Variants in ZNF318 observed in about 807,000 individuals in gnomAD.
The protein encoded by ZNF318 is zinc finger protein 318.
A neutral mutation model predicts 124.2 loss-of-function variants in ZNF318; 51 were observed. The observed-to-expected ratio is 0.41, with a 90% confidence interval of 0.33 to 0.52. The LOEUF is 0.52. ZNF318 is among the 20% of genes least tolerant of loss of function. The pLI is 0.23. For missense variants in ZNF318, 2,815 were observed against 2,811.2 expected (o/e 1.00, Z -0.03); for synonymous variants, 1,090 against 1,040.7 (o/e 1.05, Z -0.91).
chr6:43,340,347 T>G lies in ZNF318; in HGVS notation c.3651A>C (p.Ala1217=), dbSNP rs755273152. ...CCTCCTTTACTTCTTTCACAGCCTT[T>G]GCCTTTTTTTCTTTCTTCTCCTCCT... is the stretch of plus-strand genomic sequence containing the variant. The part of the protein sequence containing the change: ...KPKEEKKEKK[A]KAVKEVKEDD... Residue 1217 remains alanine (A), a synonymous_variant, in exon 10 of 10, where the codon GCA becomes GCC. Coordinates refer to ENST00000361428, the MANE Select transcript of ZNF318 (RefSeq NM_014345.3). The G allele has an allele frequency of 4.3e-6, 7 of 1,614,076 alleles. No individual in the cohort carries two copies. In the African/African-American group the frequency reaches 9.3e-5, roughly 22 times the overall value.
Position 43,357,708 on chromosome 6 carries a change from A to G in ZNF318, c.606T>C (p.Leu202=), listed in dbSNP as rs1338442074. ...FTRSSQCSRG[L]ERYISQEEGP... is the part of the protein sequence containing the mutation. The stretch of plus-strand genomic sequence containing the variant: ...CTTCCTCCTGGGAAATATATCGCTC[A>G]AGACCCCGAGAGCACTGGGAGCTTC... Residue 202 remains leucine, a synonymous_variant, in exon 3 of 10, where the codon CTT becomes CTC. Transcript: ENST00000361428. The G allele has an allele frequency of 6.2e-7, 1 of 1,609,150 alleles. No individual in the cohort carries two copies. Among genetic ancestry groups the G allele is most frequent in the South Asian group, 1.1e-5 (1 of 91,060 alleles).
At chr6:43,349,384 A>G (rs201090218) in intron 5 of ZNF318, among the ~76,000 whole-genome samples, 2 of 137,638 alleles carry the variant, frequency 1.5e-5, no homozygotes, top group Non-Finnish European at 3.2e-5. Context: ...CCTCTGGTTT[A>G]TCTTTTTTTT....
intron 4 of ZNF318, among the ~76,000 whole-genome samples, chr6:43,353,376 CTTT>C (rs11435695): frequency 4.2e-5 from 6 of 142,058 alleles, no homozygotes; most frequent in Non-Finnish European, 9.1e-5. Context: ...TTCTTCAGAA[CTTT>C]TTTTTTTTTT....
chr6:43,357,491 G>T lies in ZNF318; in HGVS notation c.823C>A (p.Arg275Ser). The T allele has an allele frequency of 6.2e-7, 1 of 1,614,086 alleles. No homozygotes were observed. Among genetic ancestry groups the T allele is most frequent in the Non-Finnish European group, 8.5e-7 (1 of 1,180,022 alleles). Residue 275 changes from arginine (R) to serine (S), a missense_variant, in exon 3 of 10, where the codon CGT (arginine) becomes AGT (serine). This residue lies in a region of ZNF318 where 1,377 missense variants were observed against 1,353.5 expected (regional missense o/e 1.02). Transcript: ENST00000361428. ...EERSREAKRP[R>S]YDDTVKINSM... ...TTTATCTTCACTGTGTCATCATAAC[G>T]GGGTCTTTTGGCCTCCCGGCTCCTT... is the stretch of plus-strand genomic sequence containing the variant.
Position 43,338,524 on chromosome 6 carries a change from T to C in ZNF318, c.5474A>G (p.Gln1825Arg), listed in dbSNP as rs1779322450. 1 of 1,614,232 alleles carries C rather than the reference T, an allele frequency of 6.2e-7. No homozygotes were observed. The highest frequency in any genetic ancestry group is 1.3e-5 in the African/African-American group (1 of 75,066). Reference protein sequence around the residue: ...NRYMWEGEVKQPNLLMIDKEA... With the variant: ...NRYMWEGEVKRPNLLMIDKEA... ...TTTGTCAATCATTAGCAAGTTGGGCTGTTTTACTTCTCCCTCCCACATGTA... is the reference window on the plus strand; with the variant it reads ...TTTGTCAATCATTAGCAAGTTGGGCCGTTTTACTTCTCCCTCCCACATGTA... The change falls in exon 10 of 10, where the codon CAG (glutamine) becomes CGG (arginine). Residue 1825 changes from glutamine (Q) to arginine (R), a missense_variant. By Grantham distance (43) the Gln-to-Arg change is conservative (BLOSUM62 1). Coordinates refer to ENST00000361428, the MANE Select transcript of ZNF318 (RefSeq NM_014345.3).
rs780221767 is a variant in ZNF318 at position 43,348,421 on chromosome 6, A to G, written c.2975T>C (p.Leu992Ser). 1.2e-5 allele frequency: 19 copies of G among 1,614,166 alleles called. No individual in the cohort carries two copies. The highest frequency in any genetic ancestry group is 1.6e-5 in the Non-Finnish European group (19 of 1,180,028). Residue 992 changes from leucine (L) to serine (S), a missense_variant, in exon 6 of 10, where the codon TTA becomes TCA. This residue lies in a region of ZNF318 where 1,377 missense variants were observed against 1,353.5 expected (regional missense o/e 1.02). Coordinates refer to ENST00000361428, the MANE Select transcript of ZNF318 (RefSeq NM_014345.3). Reference protein sequence around the residue: ...INIFDKSQKSLSDSREPTEKP... With the variant: ...INIFDKSQKSSSDSREPTEKP... ...CTCTGTAGGCTCTCTACTGTCACTT[A>G]AAGACTTCTGGGATTTATCGAAGAT...
Position 43,352,469 on chromosome 6 carries a change from T to C in ZNF318, c.2678A>G (p.Glu893Gly). Reference sequence around the variant, plus strand: ...GTCATTCTTTAGTTTTTCCCTCTCTTCAATAACCTGCAAAATACAAAGTGG... The same window carrying C: ...GTCATTCTTTAGTTTTTCCCTCTCTCCAATAACCTGCAAAATACAAAGTGG... ...NRASQKQKVI[E>G]EREKLKNDRE... Residue 893 changes from glutamate (E) to glycine (G), a missense_variant, in exon 5 of 10, where the codon GAA becomes GGA. Glu to Gly is a moderately conservative substitution (Grantham distance 98). Around this residue, in one of 4 missense-constraint regions of ZNF318, gnomAD observed 1,377 missense variants for 1,353.5 expected, o/e 1.02. Transcript: ENST00000361428. 1 of 1,613,942 alleles carries C rather than the reference T, an allele frequency of 6.2e-7. No individual in the cohort carries two copies. The highest frequency in any genetic ancestry group is 8.5e-7 in the Non-Finnish European group (1 of 1,179,876).
rs147691068 is a variant in ZNF318 at position 43,355,808 on chromosome 6, C to T, written c.1526G>A (p.Arg509His). The T allele has an allele frequency of 2.7e-5, 43 of 1,614,122 alleles. No individual in the cohort carries two copies. Among genetic ancestry groups the T allele is most frequent in the East Asian group, 2.2e-5 (1 of 44,904 alleles). The change falls in exon 4 of 10, where the codon CGC (arginine) becomes CAC (histidine). Residue 509 changes from arginine (R) to histidine (H), a missense_variant. Physicochemically the swap from Arg to His is conservative, Grantham distance 29 (BLOSUM62 0). Coordinates refer to ENST00000361428, the MANE Select transcript of ZNF318 (RefSeq NM_014345.3). Reference protein sequence around the residue: ...RASQDGSGFSRILSMLADSTS... With the variant: ...RASQDGSGFSHILSMLADSTS... ...AGAATCAGCCAACATGCTCAGAATG[C>T]GGGAAAAACCACTGCCATCCTGGCT...
rs745637563 is a variant in ZNF318, at chr6:43,352,376, C to T, written c.2770+1G>A. 4 of 1,612,800 alleles carry T rather than the reference C, an allele frequency of 2.5e-6. No homozygotes were observed. The highest frequency in any genetic ancestry group is 3.4e-6 in the Non-Finnish European group (4 of 1,179,484). ...AGGCAGTCATGCAAAGCAGCTGATACCTTGTTGTTTATGAAGCCGCTCTAA... is the reference window on the plus strand; with the variant it reads ...AGGCAGTCATGCAAAGCAGCTGATATCTTGTTGTTTATGAAGCCGCTCTAA... On this transcript the variant is annotated splice_donor_variant, in intron 5 of 9. Transcript: ENST00000361428. LOFTEE classifies it high-confidence loss of function.
rs1164433147 is a variant in ZNF318 at position 43,365,413 on chromosome 6, A to G, written c.427T>C (p.Ser143Pro). The G allele has an allele frequency of 1.2e-6, 2 of 1,613,974 alleles. No individual in the cohort carries two copies. Among genetic ancestry groups the G allele is most frequent in the Non-Finnish European group, 1.7e-6 (2 of 1,179,998 alleles). The change falls in exon 2 of 10, where the codon TCT (serine) becomes CCT (proline). Residue 143 changes from serine (S) to proline (P), a missense_variant. Coordinates refer to ENST00000361428, the MANE Select transcript of ZNF318 (RefSeq NM_014345.3). ...GTGATCCTTAAGCTCTTTTCCAAAG[A>G]GTCAGAACACAGACCAGGAGAGCGT... is the stretch of plus-strand genomic sequence containing the variant. ...RRRSPGLCSD[S>P]LEKSLRITVG...
rs1779808326 is a variant in ZNF318, at chr6:43,369,433, CGCCGCCGCAGCTGCA to C, written c.-83_-69del. The C allele has an allele frequency of 8.0e-6, 9 of 1,131,146 alleles. No individual in the cohort carries two copies. Among genetic ancestry groups the C allele is most frequent in the Admixed American group, 9.6e-5 (2 of 20,742 alleles). 70.1% of individuals were successfully genotyped at this position (1,131,146 alleles called of 1,614,324 possible). On this transcript the variant is annotated 5_prime_UTR_variant, in exon 1 of 10. Transcript: ENST00000361428. Reference sequence around the variant, plus strand: ...GCGCCCTAGACGCAGGCTCGGAGCGCGCCGCCGCAGCTGCAGCCGCCGCCACCTCGGCCGCTGCGC... The same window carrying C: ...GCGCCCTAGACGCAGGCTCGGAGCGCGCCGCCGCCACCTCGGCCGCTGCGC...
intron 2 of ZNF318, among the ~76,000 whole-genome samples, chr6:43,358,886 A>T (rs1012154286): frequency 6.9e-6 from 1 of 144,164 alleles, no homozygotes; most frequent in Non-Finnish European, 1.5e-5. Context: ...TGTGTTCCAG[A>T]GGTTGTAAAG....
At chr6:43,352,254 T>TGTCACCACCATCA in intron 5 of ZNF318, 123 bp downstream of exon 5, 1 of 711,866 alleles carries the variant, frequency 1.4e-6, no homozygotes, top group Non-Finnish European at 2.3e-6. Flanking sequence ...TTTTTGTAAG[T>TGTCACCACCATCA]TTAATTACGT....
chr6:43,338,395 T>G lies in ZNF318; in HGVS notation c.5603A>C (p.Asp1868Ala), dbSNP rs756463097. 3.7e-6 allele frequency: 6 copies of G among 1,614,078 alleles called. No homozygotes were observed. The Admixed American group carries it at 1.0e-4, about 27-fold the overall frequency. The change falls in exon 10 of 10, where the codon GAC becomes GCC. Residue 1868 changes from aspartate (D) to alanine (A), a missense_variant. By Grantham distance (126) the Asp-to-Ala change is moderately radical (BLOSUM62 -2). This residue lies in a region of ZNF318 where 927 missense variants were observed against 820.6 expected (regional missense o/e 1.13). Coordinates refer to ENST00000361428, the MANE Select transcript of ZNF318 (RefSeq NM_014345.3). Reference protein sequence around the residue: ...QACSFTKAKLDSFLSEARSLL... With the variant: ...QACSFTKAKLASFLSEARSLL... ...AGACCTAGCTTCTGATAAAAATGAG[T>G]CTAATTTTGCCTTTGTGAAAGAGCA...
intron 5 of ZNF318, among the ~76,000 whole-genome samples, chr6:43,350,961 A>G (rs1779516134): frequency 6.6e-6 from 1 of 152,236 alleles, no homozygotes; most frequent in Middle Eastern, 3.2e-3. Flanking sequence ...CATATTAATT[A>G]AAAAGGATAA....
chr6:43,364,246 C>G (rs994153326), intron 2 of ZNF318: 26 of 622,856 alleles, frequency 4.2e-5, no homozygotes, highest in African/African-American at 3.5e-4. Flanking sequence ...AGACACACAC[C>G]AGAGTCTCTG....
intron 1 of ZNF318, chr6:43,368,735 C>T (rs1188444887): frequency 1.0e-4 from 102 of 985,362 alleles, no homozygotes; most frequent in Non-Finnish European, 1.2e-4. Context: ...CAGCCTATTC[C>T]TAAGGAACGG....
intron 6 of ZNF318, among the ~76,000 whole-genome samples, chr6:43,346,029 C>T (rs1247728713): frequency 3.3e-5 from 5 of 150,184 alleles, no homozygotes; most frequent in South Asian, 2.1e-4. Context: ...ATGGTGAAAC[C>T]GTCTCTACTA....
At position 43,337,808 on chromosome 6, in the gene ZNF318, G is replaced by T. The variant is rs529917320; in HGVS notation, c.6190C>A (p.Pro2064Thr). Residue 2064 changes from proline (P) to threonine (T), a missense_variant, in exon 10 of 10, where the codon CCA (proline) becomes ACA (threonine). This residue lies in a region of ZNF318 where 927 missense variants were observed against 820.6 expected (regional missense o/e 1.13). Coordinates refer to ENST00000361428, the MANE Select transcript of ZNF318 (RefSeq NM_014345.3). ...CNSSDPADFE[P>T]IPSFSGFPLD... ...GGAAACCCAGAAAAAGATGGGATTG[G>T]TTCGAAGTCAGCGGGATCGGAGGAA... is the stretch of plus-strand genomic sequence containing the variant. 2.2e-5 allele frequency: 36 copies of T among 1,614,230 alleles called. No individual in the cohort carries two copies. Among genetic ancestry groups the T allele is most frequent in the Middle Eastern group, 3.3e-4 (2 of 6,062 alleles).
Sources: allele counts gnomAD v4.1 joint callset (sites outside exome capture counted in the v4.1 genomes callset), GRCh38; gene constraint gnomAD v4.1.1; regional missense constraint gnomAD v4.1.1; transcripts MANE v1.5; gene names NCBI Gene and HGNC (gene_info 2026-07-23, HGNC 2026-07-21).